IQGAP1: variants seen among roughly 807,000 people sequenced by gnomAD.
IQGAP1 encodes the protein ras GTPase-activating-like protein IQGAP1.
A neutral mutation model predicts 215.6 loss-of-function variants in IQGAP1; 66 were observed. The ratio of observed to expected loss-of-function variants is 0.31; its 90% CI spans 0.25 to 0.38. The LOEUF (loss-of-function observed/expected upper bound fraction) is 0.38, where lower values mean the gene tolerates loss of function less well. Ranked by LOEUF, IQGAP1 falls within the 10% of genes least tolerant of loss-of-function variation. IQGAP1 has a pLI of 1.00. For synonymous variants in IQGAP1, 772 were observed against 728.7 expected, an observed-to-expected ratio of 1.06 and a Z score of -0.96; for missense variants, 1,712 against 1,997.1, an observed-to-expected ratio of 0.86 and a Z score of 2.72.
intron 26 of IQGAP1, among the ~76,000 whole-genome samples, chr15:90,479,123 G>A (rs1966021023): frequency 6.6e-6 from 1 of 152,134 alleles, no homozygotes; most frequent in Admixed American, 6.5e-5. Flanking sequence ...AGCTCTCTGG[G>A]CATAGGTGGA....
At position 90,484,200 on chromosome 15, in the gene IQGAP1, G is replaced by T. The variant is rs375251123; in HGVS notation, c.3789-20G>T. ...TGTGTATGTCCCTTTTTGGGGGGCTGCCTCCTGTGCTTATTTCAGACGGTT... is the reference window on the plus strand; with the variant it reads ...TGTGTATGTCCCTTTTTGGGGGGCTTCCTCCTGTGCTTATTTCAGACGGTT... On this transcript the variant is annotated intron_variant, in intron 29 of 37. Coordinates refer to ENST00000268182, the MANE Select transcript of IQGAP1 (RefSeq NM_003870.4). The T allele has an allele frequency of 6.2e-6, 10 of 1,607,090 alleles. No individual in the cohort carries two copies. The African/African-American group carries it at 1.2e-4, about 19-fold the overall frequency.
intron 16 of IQGAP1, 51 bp from the exon 17 acceptor site, chr15:90,466,218 G>T: frequency 6.3e-7 from 1 of 1,595,502 alleles, no homozygotes; most frequent in South Asian, 1.1e-5. Flanking sequence ...AGCAGTATGT[G>T]AATTTAGACA....
intron 9 of IQGAP1, among the ~76,000 whole-genome samples, chr15:90,443,972 G>A (rs1965488115): frequency 6.6e-6 from 1 of 151,964 alleles, no homozygotes; most frequent in Non-Finnish European, 1.5e-5. Flanking sequence ...GCTGAGGCAG[G>A]AGAATTGCTT....
Position 90,456,132 on chromosome 15 carries a change from T to G in IQGAP1, c.1613-20T>G. 2 of 1,601,636 alleles carry G rather than the reference T, an allele frequency of 1.2e-6. No homozygotes were observed. The highest frequency in any genetic ancestry group is 1.7e-6 in the Non-Finnish European group (2 of 1,175,426). ...CTTCCTTAATTAGAAAAAAAAAACT[T>G]TCTGTCTCTTTATATTTAGGGATTT... On this transcript the variant is annotated intron_variant, in intron 14 of 37. Transcript: ENST00000268182.
At chr15:90,443,882 G>A (rs1433284667) in intron 9 of IQGAP1, among the ~76,000 whole-genome samples, 1 of 151,958 alleles carries the variant, frequency 6.6e-6, no homozygotes, top group Non-Finnish European at 1.5e-5. Context: ...TAGCCAATAT[G>A]GTAAAACCCC....
At chr15:90,417,981 A>C (rs558666396) in intron 2 of IQGAP1, among the ~76,000 whole-genome samples, 13 of 152,232 alleles carry the variant, frequency 8.5e-5, no homozygotes, top group Non-Finnish European at 1.8e-4. Flanking sequence ...TTTATGTTAC[A>C]TGTCTCCTTT....
At chr15:90,463,407 T>C (rs1292886041) in intron 15 of IQGAP1, among the ~76,000 whole-genome samples, 2 of 152,204 alleles carry the variant, frequency 1.3e-5, no homozygotes, top group African/African-American at 2.4e-5. Context: ...GTGGAAATGC[T>C]TCTGTTTTTA....
In IQGAP1 at chr15:90,486,386, G is replaced by GT. The variant is rs200673885; in HGVS notation, c.4024+261dup. ...ACGCAGATACATACTGCCAGCTTGT[G>GT]TTTTTTTAAAAAAATTGCAGATACA... On this transcript the variant is annotated intron_variant, in intron 31 of 37. Transcript: ENST00000268182. 32 of 288,080 alleles carry GT rather than the reference G, an allele frequency of 1.1e-4. No individual in the cohort carries two copies. In the East Asian group the frequency reaches 1.4e-3, roughly 12 times the overall value. 17.8% of individuals were successfully genotyped at this position (288,080 alleles called of 1,614,324 possible).
chr15:90,414,677 A>G (rs1181998432), intron 2 of IQGAP1, among the ~76,000 whole-genome samples: 1 of 151,826 alleles, frequency 6.6e-6, no homozygotes, highest in Non-Finnish European at 1.5e-5. Context: ...ACAGTGCTTC[A>G]GCTTTTACAT....
At chr15:90,399,277 G>T (rs1047165162) in intron 2 of IQGAP1, among the ~76,000 whole-genome samples, 1 of 152,064 alleles carries the variant, frequency 6.6e-6, no homozygotes, top group Non-Finnish European at 1.5e-5. Flanking sequence ...ACTATTTTCA[G>T]TGGCCATCTA....
At chr15:90,484,404 T>G (rs1035474804) in intron 30 of IQGAP1, 52 bp downstream of exon 30, 1 of 1,483,196 alleles carries the variant, frequency 6.7e-7, no homozygotes, top group African/African-American at 1.4e-5. Flanking sequence ...TTATTATCCC[T>G]GGCTGCTGCT....
rs912382825 is a variant in IQGAP1 at position 90,411,498 on chromosome 15, A to G, written c.156-14612A>G. Among the ~76,000 whole-genome samples, 3 of 152,074 alleles carry G rather than the reference A, an allele frequency of 2.0e-5. 1 individual carries two copies. The East Asian group carries it at 5.8e-4, about 29-fold the overall frequency. The stretch of plus-strand genomic sequence containing the variant: ...TTAACCCCCACTCCCTTATTTTCTT[A>G]CTAAATAATAGGTGTGAAAATTAAA... On this transcript the variant is annotated intron_variant, in intron 2 of 37. Coordinates refer to ENST00000268182, the MANE Select transcript of IQGAP1 (RefSeq NM_003870.4).
intron 2 of IQGAP1, among the ~76,000 whole-genome samples, chr15:90,417,200 T>G (rs1212481317): frequency 6.6e-6 from 1 of 152,222 alleles, no homozygotes; most frequent in East Asian, 1.9e-4. Flanking sequence ...GTGCAGAAGC[T>G]CTTTCGTTTA....
chr15:90,410,430 C>T (rs548367390), intron 2 of IQGAP1, among the ~76,000 whole-genome samples: 22 of 152,286 alleles, frequency 1.4e-4, no homozygotes, highest in African/African-American at 5.3e-4. Flanking sequence ...ACACTTGGAA[C>T]CAACCCAAAT....
intron 2 of IQGAP1, 115 bp downstream of exon 2, chr15:90,390,988 C>T (rs375672315): frequency 1.9e-5 from 13 of 685,002 alleles, no homozygotes; most frequent in African/African-American, 9.0e-5. Context: ...AATCCCAACA[C>T]GTTGGGAGGC....
intron 2 of IQGAP1, among the ~76,000 whole-genome samples, chr15:90,425,570 C>G (rs1040951657): frequency 3.9e-5 from 6 of 152,122 alleles, no homozygotes; most frequent in African/African-American, 1.4e-4. Flanking sequence ...TCTGAGAATT[C>G]ATTATTTACT....
Position 90,500,370 on chromosome 15 carries a change from CT to C in IQGAP1, c.*263del, listed in dbSNP as rs1003382220. 35 of 361,450 alleles carry C rather than the reference CT, an allele frequency of 9.7e-5. No homozygotes were observed. Among genetic ancestry groups the C allele is most frequent in the African/African-American group, 6.3e-4 (31 of 49,450 alleles). The allele number at this position is 361,450 out of a possible 1,614,324, so 22.4% of individuals were successfully genotyped here. On this transcript the variant is annotated 3_prime_UTR_variant, in exon 38 of 38. Transcript: ENST00000268182. ...TCCATTACTTAGGAAAGAGTGGAAA[CT>C]CCACTAAAATTTCTCTGTGTTGTTA...
At chr15:90,439,112 A>C (rs961085996) in intron 5 of IQGAP1, among the ~76,000 whole-genome samples, 1 of 151,742 alleles carries the variant, frequency 6.6e-6, no homozygotes, top group South Asian at 2.1e-4. Context: ...TGCTCTTTGC[A>C]TTGTGTTATG....
At chr15:90,390,684 T>C in intron 1 of IQGAP1, 90 bp from the exon 2 acceptor site, 2 of 836,780 alleles carry the variant, frequency 2.4e-6, no homozygotes, top group Non-Finnish European at 4.1e-6. Flanking sequence ...ACTTTCTAGG[T>C]GAGTGGCAGG....
Sources: allele counts gnomAD v4.1 joint callset (sites outside exome capture counted in the v4.1 genomes callset), GRCh38; gene constraint gnomAD v4.1.1; transcripts MANE v1.5; gene names NCBI Gene and HGNC (gene_info 2026-07-23, HGNC 2026-07-21).